Variants in ABTB2 observed in about 807,000 individuals in gnomAD.
ABTB2 encodes ankyrin repeat and BTB domain containing 2.
Under a neutral mutation model 104.1 loss-of-function variants are expected in ABTB2, and 56 were observed. The observed-to-expected ratio is 0.54, with a 90% confidence interval of 0.43 to 0.67. ABTB2 has a LOEUF of 0.67. ABTB2 is among the 30% of genes least tolerant of loss of function. The probability of loss-of-function intolerance (pLI) is 0.00; values close to 1 mark genes in which losing one functional copy is unlikely to be tolerated. For missense variants in ABTB2, 1,279 were observed against 1,407.7 expected (o/e 0.91, Z 1.46); for synonymous variants, 606 against 608.2 (o/e 1.00, Z 0.05).
intron 1 of ABTB2, among the ~76,000 whole-genome samples, chr11:34,285,053 T>G (rs2133089196): frequency 6.6e-6 from 1 of 152,354 alleles, no homozygotes; most frequent in Non-Finnish European, 1.5e-5. Context: ...TTGGACAATC[T>G]GATAAAGCCT....
intron 1 of ABTB2, among the ~76,000 whole-genome samples, chr11:34,334,531 T>C (rs928877766): frequency 3.9e-5 from 6 of 152,214 alleles, no homozygotes; most frequent in Non-Finnish European, 7.3e-5. Flanking sequence ...ATCATAATCC[T>C]TGGTTCATGA....
At chr11:34,156,587 A>G (rs1394543225) in intron 14 of ABTB2, among the ~76,000 whole-genome samples, 2 of 150,866 alleles carry the variant, frequency 1.3e-5, no homozygotes, top group South Asian at 2.1e-4. Context: ...GCAGTGGCGC[A>G]ATCTCGGCTC....
chr11:34,252,345 T>TGG lies in ABTB2; in HGVS notation c.884-47657_884-47656dup, dbSNP rs1854066366. Among the ~76,000 whole-genome samples the TGG allele has an allele frequency of 6.6e-6, 1 of 152,188 alleles. No homozygotes were observed. The highest frequency in any genetic ancestry group is 1.5e-5 in the Non-Finnish European group (1 of 68,036). ...GACTGGCCCCATCTCTTCCCTGGCTTGGGGCTGACTTCCCTTTAGGAATAG... is the reference window on the plus strand; with the variant it reads ...GACTGGCCCCATCTCTTCCCTGGCTTGGGGGGCTGACTTCCCTTTAGGAATAG... On this transcript the variant is annotated intron_variant, in intron 1 of 16. Transcript: ENST00000435224. This position sits in a 1 kb window ranked among gnomAD's most constrained non-coding sequence, Gnocchi z 5.5.
intron 1 of ABTB2, among the ~76,000 whole-genome samples, chr11:34,269,746 G>A (rs1854291963): frequency 6.6e-6 from 1 of 152,246 alleles, no homozygotes; most frequent in South Asian, 2.1e-4. Flanking sequence ...TGCAGTGGAT[G>A]GGATTTGGCC....
chr11:34,204,975 T>C (rs1250131697), intron 1 of ABTB2, among the ~76,000 whole-genome samples: 2 of 152,220 alleles, frequency 1.3e-5, no homozygotes, highest in African/African-American at 4.8e-5. Flanking sequence ...TCCTGGATCA[T>C]AGAAGCATTC....
chr11:34,220,634 G>A (rs2133050269), intron 1 of ABTB2, among the ~76,000 whole-genome samples: 1 of 152,324 alleles, frequency 6.6e-6, no homozygotes, highest in Non-Finnish European at 1.5e-5. Flanking sequence ...GCAAAAGGCA[G>A]AAAGAGCCTG....
intron 1 of ABTB2, among the ~76,000 whole-genome samples, chr11:34,310,969 G>A (rs113085005): frequency 0.021 from 3,178 of 152,334 alleles, 36 homozygotes; most frequent in Non-Finnish European, 0.025. Flanking sequence ...CCTGATGGAG[G>A]ATACCAGTCA....
chr11:34,305,556 A>C lies in ABTB2; in HGVS notation c.883+51145T>G, dbSNP rs11826148. ...ATAAACATTCCACTGGTGGCTTTGG[A>C]GCTTGACAGGAAATGTGTGGAGTAA... On this transcript the variant is annotated intron_variant, in intron 1 of 16. Transcript: ENST00000435224. 7.6e-3 allele frequency among the ~76,000 whole-genome samples: 1,150 copies of C among 152,306 alleles called. 13 individuals carry two copies. Among genetic ancestry groups the C allele is most frequent in the African/African-American group, 0.023 (974 of 41,570 alleles).
intron 1 of ABTB2, among the ~76,000 whole-genome samples, chr11:34,221,062 C>T (rs191701547): frequency 2.6e-3 from 389 of 152,164 alleles, no homozygotes; most frequent in African/African-American, 8.8e-3. Flanking sequence ...CTCCACCTCC[C>T]GGGTTCATGC....
chr11:34,357,158 C>T lies in ABTB2; in HGVS notation c.426G>A (p.Glu142=). The change falls in exon 1 of 17, where the codon GAG becomes GAA. Residue 142 remains glutamate (E), a synonymous_variant. Transcript: ENST00000435224. The part of the protein sequence containing the change: ...LRRALIRVAR[E]AQRLSVLHAK... ...CGTGCAGCACGCTCAGGCGCTGCGC[C>T]TCGCGGGCCACGCGGATCAGTGCCC... 5 of 1,492,920 alleles carry T rather than the reference C, an allele frequency of 3.3e-6. No homozygotes were observed. The highest frequency in any genetic ancestry group is 4.4e-6 in the Non-Finnish European group (5 of 1,130,112). 92.5% of individuals were successfully genotyped at this position (1,492,920 alleles called of 1,614,324 possible).
At position 34,160,875 on chromosome 11, in the gene ABTB2, T is replaced by G. The variant is rs773380868; in HGVS notation, c.2397+28A>C. 4 of 1,577,548 alleles carry G rather than the reference T, an allele frequency of 2.5e-6. No individual in the cohort carries two copies. The East Asian group carries it at 6.8e-5, about 27-fold the overall frequency. On this transcript the variant is annotated intron_variant, in intron 11 of 16. Coordinates refer to ENST00000435224, the MANE Select transcript of ABTB2 (RefSeq NM_145804.3). ...CGTGGTCTGAGTCTGGGCCGTGGGC[T>G]TGGGAACTGGCCACTGGCCACACTT...
intron 1 of ABTB2, among the ~76,000 whole-genome samples, chr11:34,344,778 G>T (rs564422135): frequency 2.6e-5 from 4 of 152,314 alleles, no homozygotes; most frequent in Non-Finnish European, 5.9e-5. Context: ...GATTACAGGT[G>T]TGAGTCACTG....
chr11:34,335,385 A>G (rs879028167), intron 1 of ABTB2: 2 of 829,648 alleles, frequency 2.4e-6, no homozygotes, highest in Admixed American at 3.5e-5. Context: ...TTCCTTAGCA[A>G]CATTGATGAA....
intron 1 of ABTB2, among the ~76,000 whole-genome samples, chr11:34,260,700 C>A (rs768685491): frequency 6.6e-5 from 10 of 152,130 alleles, no homozygotes; most frequent in Non-Finnish European, 1.2e-4. Context: ...CAATCGGTAC[C>A]CCTCATTTTA....
intron 1 of ABTB2, among the ~76,000 whole-genome samples, chr11:34,247,525 T>C (rs917894862): frequency 6.6e-6 from 1 of 152,252 alleles, no homozygotes; most frequent in African/African-American, 2.4e-5. Flanking sequence ...TAAGGTAAGC[T>C]AGGCTAAGCT....
chr11:34,332,197 G>A (rs1449654258), intron 1 of ABTB2, among the ~76,000 whole-genome samples: 1 of 152,150 alleles, frequency 6.6e-6, no homozygotes, highest in African/African-American at 2.4e-5. Flanking sequence ...CGTAAAGGAG[G>A]CATCTGTAAA....
chr11:34,152,140 T>G lies in ABTB2; in HGVS notation c.*247A>C. 1 of 518,786 alleles carries G rather than the reference T, an allele frequency of 1.9e-6. No individual in the cohort carries two copies. Among genetic ancestry groups the G allele is most frequent in the South Asian group, 2.1e-5 (1 of 47,528 alleles). The allele number at this position is 518,786 out of a possible 1,614,324, so 32.1% of individuals were successfully genotyped here. A position where few individuals can be genotyped will look rare whatever the true frequency, so the allele number is the denominator to read the frequency against. ...GGGGGAGTGCATGGCTGCCCTTGAG[T>G]TGCAAACTGAGATGGGGAGGAGGGC... On this transcript the variant is annotated 3_prime_UTR_variant, in exon 17 of 17. Coordinates refer to ENST00000435224, the MANE Select transcript of ABTB2 (RefSeq NM_145804.3).
At chr11:34,247,390 C>A (rs1853998904) in intron 1 of ABTB2, among the ~76,000 whole-genome samples, 1 of 152,210 alleles carries the variant, frequency 6.6e-6, no homozygotes, top group South Asian at 2.1e-4. Context: ...CCCACACCAC[C>A]ATTCTGTGTT....
rs147413916 is a variant in ABTB2, at chr11:34,259,748, T to A, written c.884-55058A>T. ...ACATTCATAGCTGTCCTCAAATGCT[T>A]AGCACCCCTAGAAAACTAGGACTAG... On this transcript the variant is annotated intron_variant, in intron 1 of 16. Coordinates refer to ENST00000435224, the MANE Select transcript of ABTB2 (RefSeq NM_145804.3). Among the ~76,000 whole-genome samples the A allele has an allele frequency of 2.8e-3, 427 of 152,296 alleles. 1 individual carries two copies. Among genetic ancestry groups the A allele is most frequent in the Middle Eastern group, 6.8e-3 (2 of 294 alleles).
Sources: allele counts gnomAD v4.1 joint callset (sites outside exome capture counted in the v4.1 genomes callset), GRCh38; gene constraint gnomAD v4.1.1; non-coding constraint Gnocchi (gnomAD v3.1); transcripts MANE v1.5; gene names NCBI Gene and HGNC (gene_info 2026-07-23, HGNC 2026-07-21).